The following MAML2 variants were observed in gnomAD, a reference collection of about 807,000 sequenced individuals.
MAML2 encodes mastermind-like protein 2.
MAML2 carries 22 observed loss-of-function variants against 96.1 expected under a neutral mutation model. The ratio of observed to expected loss-of-function variants is 0.23; its 90% CI spans 0.16 to 0.33. The LOEUF is 0.33. MAML2 is among the 10% of genes least tolerant of loss of function. MAML2 has a pLI of 1.00. For missense variants in MAML2, 1,367 were observed against 1,392.4 expected, an observed-to-expected ratio of 0.98 and a Z score of 0.29; for synonymous variants, 561 against 521.3, an observed-to-expected ratio of 1.08 and a Z score of -1.04.
chr11:96,300,331 C>T (rs1288597287), intron 1 of MAML2, among the ~76,000 whole-genome samples: 1 of 152,138 alleles, frequency 6.6e-6, no homozygotes, highest in Non-Finnish European at 1.5e-5. Context: ...CCTTGGCAAG[C>T]TGTCAGAGCC....
chr11:96,271,724 C>T (rs1424402855), intron 1 of MAML2, among the ~76,000 whole-genome samples: 1 of 138,902 alleles, frequency 7.2e-6, no homozygotes, highest in African/African-American at 2.8e-5. Context: ...GTCAAATAAA[C>T]CTCTTTATAA....
intron 2 of MAML2, among the ~76,000 whole-genome samples, chr11:96,067,152 A>C (rs1859258220): frequency 6.6e-6 from 1 of 152,194 alleles, no homozygotes; most frequent in South Asian, 2.1e-4. Context: ...ACATATCACA[A>C]ACAACACCTA....
At chr11:95,984,570 G>A (rs1857796547) in intron 4 of MAML2, among the ~76,000 whole-genome samples, 1 of 152,172 alleles carries the variant, frequency 6.6e-6, no homozygotes, top group African/African-American at 2.4e-5. Flanking sequence ...CTACAGGCAC[G>A]TGCGACTGAG....
intron 1 of MAML2, among the ~76,000 whole-genome samples, chr11:96,115,003 G>A (rs1026912433): frequency 6.6e-6 from 1 of 152,284 alleles, no homozygotes; most frequent in African/African-American, 2.4e-5. Context: ...TCAGAAGTAC[G>A]TTTCTGCTGA....
At chr11:96,309,241 G>T (rs113238336) in intron 1 of MAML2, among the ~76,000 whole-genome samples, 2 of 152,190 alleles carry the variant, frequency 1.3e-5, no homozygotes, top group African/African-American at 4.8e-5. Flanking sequence ...AGTATGAAGT[G>T]CTTGACAATG....
At chr11:96,286,639 T>G (rs1262401663) in intron 1 of MAML2, among the ~76,000 whole-genome samples, 1 of 151,826 alleles carries the variant, frequency 6.6e-6, no homozygotes, top group African/African-American at 2.4e-5. Context: ...TTTTTTTTTT[T>G]TTTTACAGAT....
intron 1 of MAML2, among the ~76,000 whole-genome samples, chr11:96,253,240 G>A (rs1862611666): frequency 6.6e-6 from 1 of 152,288 alleles, no homozygotes; most frequent in African/African-American, 2.4e-5. Context: ...AACTGACTTT[G>A]ATTTTCTAAA....
At chr11:96,291,228 C>A (rs918780817) in intron 1 of MAML2, among the ~76,000 whole-genome samples, 7 of 144,048 alleles carry the variant, frequency 4.9e-5, no homozygotes, top group African/African-American at 1.8e-4. Flanking sequence ...CAGGTTCAAG[C>A]AATTCTCCTG....
intron 1 of MAML2, among the ~76,000 whole-genome samples, chr11:96,235,830 C>A (rs1862359322): frequency 6.6e-6 from 1 of 152,198 alleles, no homozygotes; most frequent in Non-Finnish European, 1.5e-5. Context: ...CCGAGTAAAA[C>A]CCCTTGCTGC....
chr11:96,231,230 A>C lies in MAML2; in HGVS notation c.513+110153T>G, dbSNP rs572244863. 1.3e-4 allele frequency among the ~76,000 whole-genome samples: 20 copies of C among 152,280 alleles called. No homozygotes were observed. The South Asian group carries it at 3.7e-3, about 28-fold the overall frequency. ...TCGTGTATCACCATCTGTAGCCCTC[A>C]CAACTCCGAAAACACTTTATTGTAC... On this transcript the variant is annotated intron_variant, in intron 1 of 4. Coordinates refer to ENST00000524717, the MANE Select transcript of MAML2 (RefSeq NM_032427.4).
intron 1 of MAML2, among the ~76,000 whole-genome samples, chr11:96,171,317 C>T (rs529175410): frequency 4.1e-4 from 62 of 152,218 alleles, no homozygotes; most frequent in African/African-American, 1.3e-3. Context: ...TCCCCAAGAC[C>T]GGGCGCGTTC....
At chr11:95,991,803 T>C (rs1591080448) in intron 2 of MAML2, 80 bp from the exon 3 acceptor site, 9 of 1,054,558 alleles carry the variant, frequency 8.5e-6, no homozygotes, top group East Asian at 2.4e-5. Flanking sequence ...TACACTCAGA[T>C]TCCAAACATT....
chr11:96,211,158 A>G (rs1861965174), intron 1 of MAML2, among the ~76,000 whole-genome samples: 1 of 152,250 alleles, frequency 6.6e-6, no homozygotes, highest in Non-Finnish European at 1.5e-5. Context: ...AAGTCACAGA[A>G]GCCTTAAAGG....
intron 2 of MAML2, among the ~76,000 whole-genome samples, chr11:95,992,908 T>A (rs1295129503): frequency 3.3e-5 from 5 of 150,146 alleles, no homozygotes; most frequent in African/African-American, 1.2e-4. Flanking sequence ...AGAGACAGAG[T>A]CTCACTCTAT....
intron 1 of MAML2, among the ~76,000 whole-genome samples, chr11:96,277,474 G>C (rs1481380421): frequency 6.6e-6 from 1 of 152,128 alleles, no homozygotes; most frequent in East Asian, 1.9e-4. Context: ...TTACTGTCCA[G>C]GCGCGGTGGC....
chr11:96,053,589 GC>G (rs1190204681), intron 2 of MAML2, among the ~76,000 whole-genome samples: 1 of 151,866 alleles, frequency 6.6e-6, no homozygotes, highest in Non-Finnish European at 1.5e-5. Flanking sequence ...TTTGGAGGGG[GC>G]CAGTCTGGAA....
intron 2 of MAML2, 77 bp downstream of exon 2, chr11:96,091,815 C>A: frequency 6.6e-7 from 1 of 1,522,430 alleles, no homozygotes; most frequent in South Asian, 1.4e-5. Context: ...CCAATACAAA[C>A]ATAATGGTAA....
At chr11:96,069,428 C>T (rs888187832) in intron 2 of MAML2, among the ~76,000 whole-genome samples, 3 of 152,156 alleles carry the variant, frequency 2.0e-5, no homozygotes, top group African/African-American at 7.2e-5. Flanking sequence ...AATCCCAAAA[C>T]TTTGGGAAGC....
At chr11:96,196,071 G>T (rs1424589878) in intron 1 of MAML2, among the ~76,000 whole-genome samples, 1 of 152,120 alleles carries the variant, frequency 6.6e-6, no homozygotes, top group Admixed American at 6.5e-5. Context: ...CTGCAACAAA[G>T]ATGAAGAAAC....
Sources: allele counts gnomAD v4.1 joint callset (sites outside exome capture counted in the v4.1 genomes callset), GRCh38; gene constraint gnomAD v4.1.1; transcripts MANE v1.5; gene names NCBI Gene and HGNC (gene_info 2026-07-23, HGNC 2026-07-21).